Variants in MUSK observed in about 807,000 individuals in gnomAD.
MUSK encodes the protein muscle associated receptor tyrosine kinase, also known as muscle, skeletal receptor tyrosine-protein kinase.
Under a neutral mutation model 88.7 loss-of-function variants are expected in MUSK, and 55 were observed. The observed-to-expected ratio is 0.62, with a 90% confidence interval of 0.50 to 0.78. The LOEUF is 0.78. Ranked by LOEUF, MUSK falls within the 30% of genes least tolerant of loss-of-function variation. MUSK has a pLI of 0.00. For missense variants in MUSK, 1,015 were observed against 1,074.3 expected, an observed-to-expected ratio of 0.94 and a Z score of 0.77; for synonymous variants, 387 against 391.9, an observed-to-expected ratio of 0.99 and a Z score of 0.15.
At chr9:110,677,767 T>A (rs542786108) in intron 1 of MUSK, among the ~76,000 whole-genome samples, 2 of 152,184 alleles carry the variant, frequency 1.3e-5, no homozygotes, top group Admixed American at 1.3e-4. Context: ...AAACATTATT[T>A]ATCATGTTAA....
At position 110,690,262 on chromosome 9, in the gene MUSK, A is replaced by T. The variant is rs1409487313; in HGVS notation, c.358+2994A>T. On this transcript the variant is annotated intron_variant, in intron 3 of 14. Coordinates refer to ENST00000374448, the MANE Select transcript of MUSK (RefSeq NM_005592.4). ...AGTATATATAAATATATATAAATAT[A>T]TATTTAAGTACAAATATATAAATAT... 2.5e-4 allele frequency among the ~76,000 whole-genome samples: 27 copies of T among 106,636 alleles called. 1 individual carries two copies. Among genetic ancestry groups the T allele is most frequent in the African/African-American group, 1.0e-3 (27 of 26,654 alleles). 70.0% of individuals were successfully genotyped at this position (106,636 alleles called of 152,430 possible).
rs1041569666 is a variant in MUSK, at chr9:110,802,825, T to C, written c.*1837T>C. Among the ~76,000 whole-genome samples the C allele has an allele frequency of 6.6e-6, 1 of 152,220 alleles. No individual in the cohort carries two copies. The highest frequency in any genetic ancestry group is 1.5e-5 in the Non-Finnish European group (1 of 68,030). On this transcript the variant is annotated 3_prime_UTR_variant, in exon 15 of 15. Transcript: ENST00000374448. ...GTAAGGCGGTCCTTAGTCACAGTTC[T>C]GGTTCATAAATAGCGAGGTCAGCAT... is the stretch of plus-strand genomic sequence containing the variant.
chr9:110,789,959 C>T (rs893833850), intron 14 of MUSK, among the ~76,000 whole-genome samples: 1 of 151,890 alleles, frequency 6.6e-6, no homozygotes, highest in African/African-American at 2.4e-5. Flanking sequence ...AGTAAGACAC[C>T]TAAGTATGGA....
chr9:110,800,852 A>G lies in MUSK; in HGVS notation c.2474A>G (p.Glu825Gly), dbSNP rs2078085752. Residue 825 changes from glutamate to glycine, a missense_variant, in exon 15 of 15, where the codon GAG becomes GGG. Transcript: ENST00000374448. ...VRDGNILSCPENCPVELYNLM... is the reference protein window; with the variant it reads ...VRDGNILSCPGNCPVELYNLM... ...GATGGCAACATCCTCTCCTGCCCTG[A>G]GAACTGCCCCGTGGAGCTGTACAAT... is the stretch of plus-strand genomic sequence containing the variant. 1 of 1,606,916 alleles carries G rather than the reference A, an allele frequency of 6.2e-7. No individual in the cohort carries two copies. The highest frequency in any genetic ancestry group is 8.5e-7 in the Non-Finnish European group (1 of 1,175,316).
At chr9:110,772,850 C>G (rs201966924) in intron 9 of MUSK, among the ~76,000 whole-genome samples, 3 of 152,008 alleles carry the variant, frequency 2.0e-5, no homozygotes, top group African/African-American at 7.2e-5. Flanking sequence ...TTGAAAAAGT[C>G]TCTACCTTTA....
intron 3 of MUSK, among the ~76,000 whole-genome samples, chr9:110,690,037 A>ATATATTATG (rs2076301599): frequency 1.1e-5 from 1 of 94,098 alleles, no homozygotes; most frequent in Non-Finnish European, 1.8e-5. Flanking sequence ...ATATATTAAT[A>ATATATTATG]TAAGTATAAA....
intron 5 of MUSK, among the ~76,000 whole-genome samples, chr9:110,718,240 A>C (rs963981789): frequency 1.3e-5 from 2 of 152,072 alleles, no homozygotes; most frequent in Non-Finnish European, 2.9e-5. Context: ...GATCTAATAG[A>C]GAACAAGGAG....
intron 7 of MUSK, among the ~76,000 whole-genome samples, chr9:110,755,979 C>T (rs12377593): frequency 0.038 from 3,910 of 102,130 alleles, 160 homozygotes; most frequent in Admixed American, 0.048. Flanking sequence ...TATATATATA[C>T]ATATATATAT....
chr9:110,718,880 GA>G (rs1359420791), intron 5 of MUSK, among the ~76,000 whole-genome samples: 2 of 152,092 alleles, frequency 1.3e-5, no homozygotes, highest in South Asian at 2.1e-4. Context: ...AGTAACAGCA[GA>G]TTTCTCAGCA....
At chr9:110,720,880 A>T (rs2076802534) in intron 5 of MUSK, among the ~76,000 whole-genome samples, 1 of 152,106 alleles carries the variant, frequency 6.6e-6, no homozygotes, top group African/African-American at 2.4e-5. Flanking sequence ...ACATACCAAA[A>T]ATATAATCTA....
intron 7 of MUSK, among the ~76,000 whole-genome samples, chr9:110,755,937 T>TATATATATATAC (rs1554750760): frequency 3.4e-5 from 3 of 88,372 alleles, no homozygotes; most frequent in South Asian, 3.6e-4. Context: ...TATATACATA[T>TATATATATATAC]ATATATATAT....
chr9:110,729,590 T>TA (rs939169952), intron 5 of MUSK, among the ~76,000 whole-genome samples: 3 of 148,546 alleles, frequency 2.0e-5, no homozygotes, highest in Non-Finnish European at 4.5e-5. Context: ...TAAATACAGG[T>TA]AAAAAAGCAT....
At chr9:110,681,229 G>A (rs970965261) in intron 1 of MUSK, among the ~76,000 whole-genome samples, 1 of 132,318 alleles carries the variant, frequency 7.6e-6, no homozygotes, top group Non-Finnish European at 1.6e-5. Context: ...CTGTTGAAAA[G>A]CTGGGAAGAA....
intron 1 of MUSK, among the ~76,000 whole-genome samples, chr9:110,676,128 T>C (rs1394221310): frequency 6.6e-6 from 1 of 151,920 alleles, no homozygotes; most frequent in Non-Finnish European, 1.5e-5. Flanking sequence ...TTCTATCTGC[T>C]ACAATTTTTT....
intron 14 of MUSK, among the ~76,000 whole-genome samples, chr9:110,798,071 C>A (rs974402434): frequency 6.6e-6 from 1 of 152,148 alleles, no homozygotes; most frequent in Non-Finnish European, 1.5e-5. Context: ...ATTTGGATAT[C>A]CAATGAACAC....
intron 5 of MUSK, among the ~76,000 whole-genome samples, chr9:110,698,665 C>T (rs1158468548): frequency 6.6e-6 from 1 of 152,060 alleles, no homozygotes; most frequent in African/African-American, 2.4e-5. Flanking sequence ...GTACCAATTG[C>T]TCATAAAATT....
At chr9:110,761,870 G>A (rs1237881122) in intron 7 of MUSK, 6 of 984,324 alleles carry the variant, frequency 6.1e-6, no homozygotes, top group Admixed American at 6.2e-5. Flanking sequence ...CACCGCGCCC[G>A]GCCCACATCT....
rs777607209 is a variant in MUSK at position 110,747,783 on chromosome 9, C to G, written c.896C>G (p.Ala299Gly). The G allele has an allele frequency of 3.1e-6, 5 of 1,613,792 alleles. No individual in the cohort carries two copies. The South Asian group carries it at 3.3e-5, about 11-fold the overall frequency. ...AAGTTCAGTACTGCCAAGGCTGCAG[C>G]CACCATCAGCATAGCAGGTAGGATG... ...GEKFSTAKAA[A>G]TISIAEWSKP... Residue 299 changes from alanine to glycine, a missense_variant, in exon 7 of 15, where the codon GCC (alanine) becomes GGC (glycine). Transcript: ENST00000374448.
chr9:110,791,152 G>A (rs902771908), intron 14 of MUSK, among the ~76,000 whole-genome samples: 11 of 148,186 alleles, frequency 7.4e-5, no homozygotes, highest in South Asian at 6.5e-4. Flanking sequence ...AGCTCCCAGC[G>A]TGAGCGACGC....
Sources: allele counts gnomAD v4.1 joint callset (sites outside exome capture counted in the v4.1 genomes callset), GRCh38; gene constraint gnomAD v4.1.1; transcripts MANE v1.5; gene names NCBI Gene and HGNC (gene_info 2026-07-23, HGNC 2026-07-21).